The following RCOR1 variants were observed in gnomAD, a reference collection of about 807,000 sequenced individuals.
RCOR1 encodes REST corepressor.
In RCOR1, 12 loss-of-function variants were observed where a neutral mutation model predicts 64.0. That is an observed-to-expected ratio of 0.19 (90% CI 0.12 to 0.30). RCOR1 has a LOEUF of 0.30. Among genes scored for constraint, RCOR1 ranks in the 10% least tolerant of loss-of-function variants. The pLI, the probability that RCOR1 is intolerant of heterozygous loss-of-function variation, is 1.00. For missense variants in RCOR1, 502 were observed against 621.2 expected (o/e 0.81, Z 2.04); for synonymous variants, 279 against 227.2 (o/e 1.23, Z -2.05).
intron 2 of RCOR1, among the ~76,000 whole-genome samples, chr14:102,650,214 A>G (rs1048561606): frequency 1.2e-4 from 18 of 148,750 alleles, no homozygotes; most frequent in Admixed American, 4.7e-4. Flanking sequence ...AAAAAAAAAA[A>G]GAATCATAGT....
intron 2 of RCOR1, among the ~76,000 whole-genome samples, chr14:102,621,466 C>T (rs917810360): frequency 1.4e-5 from 2 of 148,114 alleles, no homozygotes; most frequent in African/African-American, 5.0e-5. Context: ...GCCTTGAACT[C>T]CTGGGCTCAA....
At chr14:102,639,712 T>A (rs186429432) in intron 2 of RCOR1, among the ~76,000 whole-genome samples, 1 of 151,706 alleles carries the variant, frequency 6.6e-6, no homozygotes, top group Non-Finnish European at 1.5e-5. Context: ...TTTTGTAGTT[T>A]TGTGGAGATG....
chr14:102,676,273 C>A (rs1895149783), intron 2 of RCOR1, among the ~76,000 whole-genome samples: 1 of 148,650 alleles, frequency 6.7e-6, no homozygotes, highest in Admixed American at 6.6e-5. Flanking sequence ...CTCCTCGCTT[C>A]CCAGTAGGGG....
At chr14:102,680,504 A>T (rs1460906836) in intron 2 of RCOR1, among the ~76,000 whole-genome samples, 1 of 152,106 alleles carries the variant, frequency 6.6e-6, no homozygotes, top group Non-Finnish European at 1.5e-5. Context: ...CTATGTATAT[A>T]TCTATAAAAA....
intron 2 of RCOR1, among the ~76,000 whole-genome samples, chr14:102,627,899 C>T (rs958190524): frequency 1.3e-5 from 2 of 150,652 alleles, no homozygotes; most frequent in Admixed American, 6.6e-5. Flanking sequence ...TCTGTGTGTG[C>T]GTGTATATAT....
At chr14:102,625,248 T>TC (rs1235312644) in intron 2 of RCOR1, among the ~76,000 whole-genome samples, 6 of 146,904 alleles carry the variant, frequency 4.1e-5, no homozygotes, top group African/African-American at 1.5e-4. Context: ...TTTTTTTTTT[T>TC]TTTTTTTGAG....
chr14:102,696,342 C>T (rs2139974121), intron 3 of RCOR1, among the ~76,000 whole-genome samples: 1 of 152,300 alleles, frequency 6.6e-6, no homozygotes, highest in Admixed American at 6.5e-5. Context: ...CACATTCTGT[C>T]TTTAAGTGAT....
intron 2 of RCOR1, among the ~76,000 whole-genome samples, chr14:102,597,942 C>T (rs1013089782): frequency 4.6e-5 from 7 of 152,088 alleles, no homozygotes; most frequent in African/African-American, 1.7e-4. Flanking sequence ...CCTGCCTCAG[C>T]CTCCCGAGTA....
At chr14:102,639,921 A>C (rs1894332117) in intron 2 of RCOR1, among the ~76,000 whole-genome samples, 2 of 150,990 alleles carry the variant, frequency 1.3e-5, no homozygotes, top group South Asian at 4.2e-4. Flanking sequence ...ACCTCGGCTC[A>C]CTGCAACCTC....
chr14:102,670,245 A>G (rs2139947794), intron 2 of RCOR1, among the ~76,000 whole-genome samples: 1 of 152,250 alleles, frequency 6.6e-6, no homozygotes, highest in Non-Finnish European at 1.5e-5. Context: ...GAGCCACTTC[A>G]CCCGGCCAGA....
At chr14:102,680,099 T>G (rs1462492784) in intron 2 of RCOR1, among the ~76,000 whole-genome samples, 1 of 152,210 alleles carries the variant, frequency 6.6e-6, no homozygotes, top group African/African-American at 2.4e-5. Flanking sequence ...TTTGTAGTTT[T>G]CAGTGTACAC....
At chr14:102,617,878 G>T (rs1361962402) in intron 2 of RCOR1, among the ~76,000 whole-genome samples, 1 of 151,368 alleles carries the variant, frequency 6.6e-6, no homozygotes, top group South Asian at 2.1e-4. Flanking sequence ...GTGAGCCACC[G>T]TGCCTGGCCC....
intron 2 of RCOR1, among the ~76,000 whole-genome samples, chr14:102,660,430 G>C (rs1414374032): frequency 6.6e-6 from 1 of 151,610 alleles, no homozygotes; most frequent in Non-Finnish European, 1.5e-5. Context: ...TGTCACCCAG[G>C]CTGGAGTGCA....
At chr14:102,624,279 G>A (rs1007173463) in intron 2 of RCOR1, among the ~76,000 whole-genome samples, 4 of 151,804 alleles carry the variant, frequency 2.6e-5, no homozygotes, top group Non-Finnish European at 5.9e-5. Flanking sequence ...CGAAGTGGGC[G>A]GATCACCTGA....
intron 3 of RCOR1, among the ~76,000 whole-genome samples, chr14:102,690,635 A>T (rs1002493304): frequency 2.0e-4 from 31 of 152,276 alleles, no homozygotes; most frequent in African/African-American, 5.5e-4. Context: ...AAAGAACTTG[A>T]TGTCCACATG....
At chr14:102,614,094 C>T (rs904118493) in intron 2 of RCOR1, among the ~76,000 whole-genome samples, 1 of 151,768 alleles carries the variant, frequency 6.6e-6, no homozygotes, top group Middle Eastern at 3.2e-3. Flanking sequence ...GGGGTTTCTC[C>T]ATGTTGGTCA....
At chr14:102,711,251 C>A (rs1895950962) in intron 7 of RCOR1, among the ~76,000 whole-genome samples, 1 of 152,170 alleles carries the variant, frequency 6.6e-6, no homozygotes, top group African/African-American at 2.4e-5. Flanking sequence ...TAATGATGTT[C>A]CCTAGAACAG....
intron 2 of RCOR1, among the ~76,000 whole-genome samples, chr14:102,596,018 C>A (rs944718844): frequency 1.3e-5 from 2 of 151,996 alleles, no homozygotes; most frequent in Non-Finnish European, 2.9e-5. Flanking sequence ...TTTACTATTT[C>A]CTAGTGGTTT....
intron 2 of RCOR1, chr14:102,656,977 G>C (rs1894740346): frequency 2.3e-6 from 1 of 429,784 alleles, no homozygotes; most frequent in Admixed American, 6.4e-5. Context: ...GTTTCACCAT[G>C]TTGGCCAGGA....
Sources: gnomAD v4.1 joint callset for allele counts (sites outside exome capture counted in the v4.1 genomes callset) on GRCh38, gnomAD v4.1.1 for gene constraint, MANE v1.5 for transcripts, NCBI Gene and HGNC (gene_info 2026-07-23, HGNC 2026-07-21) for gene names.